Variants in INSYN2A observed in about 807,000 individuals in gnomAD.
INSYN2A encodes the protein family with sequence similarity 196 member A.
INSYN2A carries 17 observed loss-of-function variants against 39.4 expected under a neutral mutation model. The ratio of observed to expected loss-of-function variants is 0.43; its 90% CI spans 0.30 to 0.65. The LOEUF (loss-of-function observed/expected upper bound fraction) is 0.65. INSYN2A is among the 30% of genes least tolerant of loss of function. The pLI, the probability that INSYN2A is intolerant of heterozygous loss-of-function variation, is 0.14. For synonymous variants in INSYN2A, 255 were observed against 265.7 expected (o/e 0.96, Z 0.39); for missense variants, 595 against 631.2 (o/e 0.94, Z 0.61).
Position 127,175,881 on chromosome 10 carries a change from G to A in INSYN2A, c.515C>T (p.Ala172Val). Residue 172 changes from alanine (A) to valine (V), a missense_variant, in exon 4 of 6, where the codon GCC becomes GTC. Ala to Val is a moderately conservative substitution (Grantham distance 64, BLOSUM62 0). Around this residue, in one of 2 missense-constraint regions of INSYN2A, gnomAD observed 478 missense variants for 467.4 expected, o/e 1.02. Transcript: ENST00000522781. The surrounding 1 kb of genome is among the most constrained non-coding windows in gnomAD (Gnocchi z 6.3). Reference protein sequence around the residue: ...CGAGRVHKTTALVFHSNQHMN... With the variant: ...CGAGRVHKTTVLVFHSNQHMN... ...GTGTTGGTTGGAATGGAAAACCAAGGCTGTGGTCTTGTGCACCCGCCCCGC... is the reference window on the plus strand; with the variant it reads ...GTGTTGGTTGGAATGGAAAACCAAGACTGTGGTCTTGTGCACCCGCCCCGC... The A allele has an allele frequency of 6.2e-7, 1 of 1,614,186 alleles. No individual in the cohort carries two copies. Among genetic ancestry groups the A allele is most frequent in the Non-Finnish European group, 8.5e-7 (1 of 1,180,036 alleles).
At chr10:127,173,373 G>A (rs1006934753) in intron 4 of INSYN2A, among the ~76,000 whole-genome samples, 3 of 152,212 alleles carry the variant, frequency 2.0e-5, no homozygotes, top group Non-Finnish European at 2.9e-5. Context: ...GAACCACACT[G>A]CTAGATGGAT....
Position 127,175,151 on chromosome 10 carries a change from C to T in INSYN2A, c.1184+61G>A. On this transcript the variant is annotated intron_variant, in intron 4 of 5. Transcript: ENST00000522781. This position sits in a 1 kb window ranked among gnomAD's most constrained non-coding sequence, Gnocchi z 6.3. ...CATTACAGACTTGGGTTTGGGGCTA[C>T]AGATGGACTCTGTGGTGATCAGCCT... 1 of 1,418,984 alleles carries T rather than the reference C, an allele frequency of 7.0e-7. No individual in the cohort carries two copies. The highest frequency in any genetic ancestry group is 9.7e-7 in the Non-Finnish European group (1 of 1,028,710). 87.9% of individuals were successfully genotyped at this position (1,418,984 alleles called of 1,614,324 possible).
intron 2 of INSYN2A, among the ~76,000 whole-genome samples, chr10:127,178,393 G>C (rs922400579): frequency 6.6e-6 from 1 of 152,202 alleles, no homozygotes; most frequent in Non-Finnish European, 1.5e-5. Context: ...TGTTGGAGGG[G>C]CTTTGCTGTG....
chr10:127,168,963 C>G (rs1216438404), intron 4 of INSYN2A, among the ~76,000 whole-genome samples: 1 of 152,132 alleles, frequency 6.6e-6, no homozygotes, highest in Non-Finnish European at 1.5e-5. Flanking sequence ...TTTCTTATCC[C>G]CTGACAGGTC....
At chr10:127,138,226 C>G (rs1461271918) in intron 5 of INSYN2A, among the ~76,000 whole-genome samples, 8 of 152,200 alleles carry the variant, frequency 5.3e-5, no homozygotes, top group Non-Finnish European at 1.2e-4. Flanking sequence ...AAATAACTTA[C>G]TTGCTTCTGT....
chr10:127,177,429 T>C (rs1284945530), intron 2 of INSYN2A, among the ~76,000 whole-genome samples: 1 of 152,258 alleles, frequency 6.6e-6, no homozygotes, highest in Non-Finnish European at 1.5e-5. Flanking sequence ...GAAGAACTTA[T>C]TTGATGGCTG....
chr10:127,149,457 A>G (rs1394081753), intron 5 of INSYN2A, among the ~76,000 whole-genome samples: 2 of 152,196 alleles, frequency 1.3e-5, no homozygotes, highest in African/African-American at 4.8e-5. Flanking sequence ...ACAGAGAAAT[A>G]TGTACCGCCT....
intron 5 of INSYN2A, among the ~76,000 whole-genome samples, chr10:127,148,611 A>T (rs2052156207): frequency 3.3e-5 from 5 of 152,190 alleles, no homozygotes; most frequent in Non-Finnish European, 1.5e-5. Flanking sequence ...CCACATCCGA[A>T]CAAAAGCTGA....
In INSYN2A at chr10:127,137,968, T is replaced by C. The variant is rs528173288; in HGVS notation, c.1309A>G (p.Lys437Glu). ...TGAGTTTCCTCAATAGGGTGGAGTT[T>C]TCTTAGAACCGGCTGGAGTTTGTCT... ...QEDKLQPVLR[K>E]LHPIEETQVI... is the part of the protein sequence containing the mutation. Residue 437 changes from lysine to glutamate, a missense_variant, in exon 6 of 6, where the codon AAA becomes GAA. By Grantham distance (56) the Lys-to-Glu change is moderately conservative. Coordinates refer to ENST00000522781, the MANE Select transcript of INSYN2A (RefSeq NM_001039762.3). The C allele has an allele frequency of 2.5e-6, 4 of 1,613,950 alleles. No individual in the cohort carries two copies. The highest frequency in any genetic ancestry group is 2.5e-6 in the Non-Finnish European group (3 of 1,180,002).
At chr10:127,154,481 A>G (rs547929893) in intron 4 of INSYN2A, among the ~76,000 whole-genome samples, 43 of 152,396 alleles carry the variant, frequency 2.8e-4, no homozygotes, top group African/African-American at 1.0e-3. Context: ...TTCAGTGTCC[A>G]TGAATAAAGT....
intron 2 of INSYN2A, among the ~76,000 whole-genome samples, chr10:127,178,702 T>C (rs1017812912): frequency 6.6e-6 from 1 of 152,234 alleles, no homozygotes; most frequent in African/African-American, 2.4e-5. Context: ...CTTGAAAAAC[T>C]GGGCAGTTTT....
At chr10:127,191,952 G>C (rs1438551442) in intron 2 of INSYN2A, among the ~76,000 whole-genome samples, 1 of 152,184 alleles carries the variant, frequency 6.6e-6, no homozygotes, top group Admixed American at 6.5e-5. Flanking sequence ...CTCATATGTT[G>C]TAGTTTACTG....
intron 4 of INSYN2A, among the ~76,000 whole-genome samples, chr10:127,172,779 G>A (rs1178018690): frequency 1.3e-5 from 2 of 152,168 alleles, no homozygotes; most frequent in Non-Finnish European, 2.9e-5. Flanking sequence ...CCTTTGTCTT[G>A]ATTTAAGGTG....
intron 5 of INSYN2A, among the ~76,000 whole-genome samples, chr10:127,144,575 G>A (rs539421775): frequency 1.3e-5 from 2 of 152,080 alleles, no homozygotes. Flanking sequence ...AAGTGCTGCC[G>A]CCCTATTTTC....
intron 4 of INSYN2A, among the ~76,000 whole-genome samples, chr10:127,167,520 T>G (rs976033431): frequency 6.6e-6 from 1 of 151,916 alleles, no homozygotes; most frequent in African/African-American, 2.4e-5. Flanking sequence ...GCCCCGAAAC[T>G]TTTATGAATA....
chr10:127,140,290 G>T (rs1323100029), intron 5 of INSYN2A, among the ~76,000 whole-genome samples: 5 of 152,164 alleles, frequency 3.3e-5, no homozygotes, highest in Non-Finnish European at 7.4e-5. Flanking sequence ...TTAACAAAAT[G>T]ACTCGACTTT....
intron 4 of INSYN2A, among the ~76,000 whole-genome samples, chr10:127,171,176 T>C (rs925461370): frequency 6.6e-6 from 1 of 152,152 alleles, no homozygotes; most frequent in African/African-American, 2.4e-5. Context: ...CCGAAGCCAT[T>C]TGGAAATCTA....
intron 2 of INSYN2A, among the ~76,000 whole-genome samples, chr10:127,182,274 C>A (rs1349544873): frequency 6.6e-6 from 1 of 152,132 alleles, no homozygotes; most frequent in Non-Finnish European, 1.5e-5. Flanking sequence ...CCCACTCATG[C>A]ATATCTGCGG....
chr10:127,142,313 G>A (rs1467456150), intron 5 of INSYN2A, among the ~76,000 whole-genome samples: 1 of 152,174 alleles, frequency 6.6e-6, no homozygotes, highest in Non-Finnish European at 1.5e-5. Flanking sequence ...CTGTGGCTTT[G>A]CACAGTCCCC....
Sources: gnomAD v4.1 joint callset for allele counts (sites outside exome capture counted in the v4.1 genomes callset) on GRCh38, gnomAD v4.1.1 for gene constraint, gnomAD v4.1.1 regional missense constraint, Gnocchi (gnomAD v3.1) non-coding constraint, MANE v1.5 for transcripts, NCBI Gene and HGNC (gene_info 2026-07-23, HGNC 2026-07-21) for gene names.